COL6A5: variants seen among roughly 807,000 people sequenced by gnomAD.
COL6A5 encodes collagen type VI alpha 5 chain, also known as collagen alpha-5(VI) chain.
COL6A5 carries 48 observed loss-of-function variants against 65.6 expected under a neutral mutation model. That is an observed-to-expected ratio of 0.73 (90% CI 0.58 to 0.93). The LOEUF is 0.93. Among genes scored for constraint, COL6A5 ranks in the 40% least tolerant of loss-of-function variants. The probability of loss-of-function intolerance (pLI) is 0.00; values close to 1 mark genes in which losing one functional copy is unlikely to be tolerated. For synonymous variants in COL6A5, 291 were observed against 322.8 expected (o/e 0.90, Z 1.05); for missense variants, 914 against 928.3 (o/e 0.98, Z 0.20).
intron 1 of COL6A5, among the ~76,000 whole-genome samples, chr3:130,346,516 G>A (rs868590993): frequency 3.3e-4 from 50 of 152,298 alleles, no homozygotes; most frequent in African/African-American, 9.9e-4. Flanking sequence ...CTCTTGGTTT[G>A]TGGGAATTCT....
At chr3:130,347,893 G>A (rs937825258) in intron 1 of COL6A5, among the ~76,000 whole-genome samples, 7 of 152,142 alleles carry the variant, frequency 4.6e-5, no homozygotes, top group Non-Finnish European at 8.8e-5. Flanking sequence ...TGGGCACTGG[G>A]CAAAGTTGGG....
chr3:130,371,648 CCCTA>C (rs1935564793), intron 1 of COL6A5, among the ~76,000 whole-genome samples: 1 of 152,036 alleles, frequency 6.6e-6, no homozygotes, highest in Admixed American at 6.6e-5. Context: ...GAAATTGTAT[CCCTA>C]CCTCACCCCA....
intron 13 of COL6A5, 55 bp downstream of exon 13, chr3:130,403,717 A>C: frequency 8.0e-7 from 1 of 1,245,238 alleles, no homozygotes; most frequent in Non-Finnish European, 1.1e-6. Context: ...GTACACACAC[A>C]CACACACACA....
intron 1 of COL6A5, among the ~76,000 whole-genome samples, chr3:130,357,107 A>G (rs939343342): frequency 6.6e-6 from 1 of 152,212 alleles, no homozygotes; most frequent in Non-Finnish European, 1.5e-5. Context: ...CCAGACAAAA[A>G]GGAAGAATGA....
intron 6 of COL6A5, among the ~76,000 whole-genome samples, chr3:130,390,704 T>C (rs1337381856): frequency 6.6e-6 from 1 of 152,044 alleles, no homozygotes; most frequent in East Asian, 1.9e-4. Context: ...TACCCGAGGG[T>C]CCAAAGATAC....
chr3:130,429,673 G>C, upstream of COL6A5: 1 of 1,097,932 alleles, frequency 9.1e-7, no homozygotes, highest in Non-Finnish European at 1.3e-6. Context: ...CAACTCCGTG[G>C]GAAACAGGAC....
intron 1 of COL6A5, among the ~76,000 whole-genome samples, chr3:130,357,206 A>G (rs895577483): frequency 6.6e-6 from 1 of 152,332 alleles, no homozygotes; most frequent in Admixed American, 6.5e-5. Context: ...CTTTACAATA[A>G]ACAATTTGAA....
chr3:130,429,727 T>A, upstream of COL6A5: 1 of 652,118 alleles, frequency 1.5e-6, no homozygotes, highest in Non-Finnish European at 2.5e-6. Context: ...ATTATGACTG[T>A]AATTGTCAGT....
In COL6A5 at chr3:130,405,981, C is replaced by G. The variant is rs1356725321; in HGVS notation, c.4354-12C>G. 6.4e-7 allele frequency: 1 copy of G among 1,550,976 alleles called. No individual in the cohort carries two copies. Among genetic ancestry groups the G allele is most frequent in the East Asian group, 2.4e-5 (1 of 40,912 alleles). Reference sequence around the variant, plus strand: ...TTTGATTTGTCAGTGAGAGATATTTCATCTTTTGCAGGGACTCAAAGGATT... The same window carrying G: ...TTTGATTTGTCAGTGAGAGATATTTGATCTTTTGCAGGGACTCAAAGGATT... On this transcript the variant is annotated splice_polypyrimidine_tract_variant and intron_variant and NMD_transcript_variant, in intron 14 of 41. Coordinates refer to the COL6A5 transcript ENST00000312481.
exon 3 of COL6A5, chr3:130,376,648 A>C (rs757760527): frequency 3.1e-6 from 5 of 1,613,036 alleles, no homozygotes; most frequent in Non-Finnish European, 4.2e-6. Flanking sequence ...CTGCAGAAAG[A>C]CGGGGTGAAA....
Position 130,348,275 on chromosome 3 carries a change from C to T in COL6A5, c.-29+2294C>T, listed in dbSNP as rs1410935155. 2.6e-5 allele frequency among the ~76,000 whole-genome samples: 4 copies of T among 152,170 alleles called. No individual in the cohort carries two copies. The East Asian group carries it at 7.7e-4, about 29-fold the overall frequency. The stretch of plus-strand genomic sequence containing the variant: ...TGTCCTAATGCTCTCCCTTCCCTTT[C>T]CCCCAACTCCCTGACAGGCCCTGGT... On this transcript the variant is annotated intron_variant and NMD_transcript_variant, in intron 1 of 41. Transcript: ENST00000312481.
At chr3:130,469,749 G>A (rs887496890) in intron 6 of COL6A5, among the ~76,000 whole-genome samples, 4 of 152,018 alleles carry the variant, frequency 2.6e-5, no homozygotes, top group African/African-American at 4.8e-5. Context: ...CTATGTGGCA[G>A]GTTCTTTAAA....
intron 18 of COL6A5, 147 bp from the exon 19 acceptor site, chr3:130,409,862 C>T: frequency 8.9e-6 from 5 of 563,476 alleles, no homozygotes; most frequent in Non-Finnish European, 9.5e-6. Flanking sequence ...TGATTTTTTC[C>T]AAAATCCTGT....
At chr3:130,422,654 GTT>G in intron 27 of COL6A5, 64 bp from the exon 28 acceptor site, 1 of 935,854 alleles carries the variant, frequency 1.1e-6, no homozygotes, top group Admixed American at 2.5e-5. Context: ...AGTCCAGAGA[GTT>G]TTTTTTTTAA....
chr3:130,431,747 G>A (rs1187429158), exon 1 of COL6A5: 2 of 1,551,574 alleles, frequency 1.3e-6, no homozygotes, highest in Admixed American at 2.0e-5. Context: ...CGAGATGTTG[G>A]TAATGCAATG....
At position 130,352,635 on chromosome 3, in the gene COL6A5, C is replaced by T. The variant is rs920879063; in HGVS notation, c.-29+6654C>T. On this transcript the variant is annotated intron_variant and NMD_transcript_variant, in intron 1 of 41. Coordinates refer to the COL6A5 transcript ENST00000312481. ...AAACAGTTGCTCAAGGCCACATACC[C>T]AGTTAGTACAGAGCTACTGTAAACC... Among the ~76,000 whole-genome samples, 9 of 152,118 alleles carry T rather than the reference C, an allele frequency of 5.9e-5. No individual in the cohort carries two copies. In the South Asian group the frequency reaches 8.3e-4, roughly 14 times the overall value.
At chr3:130,467,888 T>C (rs1026477173) in intron 5 of COL6A5, among the ~76,000 whole-genome samples, 5 of 152,014 alleles carry the variant, frequency 3.3e-5, no homozygotes, top group Non-Finnish European at 5.9e-5. Context: ...ACTTCTTTCA[T>C]AGAAGCAAAG....
chr3:130,444,384 G>A (rs1162445535), intron 4 of COL6A5, among the ~76,000 whole-genome samples: 3 of 152,000 alleles, frequency 2.0e-5, no homozygotes, highest in Non-Finnish European at 4.4e-5. Flanking sequence ...AGTGAGAAGT[G>A]TCCATGAAAT....
At chr3:130,401,243 C>T in intron 11 of COL6A5, 70 bp downstream of exon 11, 2 of 1,331,766 alleles carry the variant, frequency 1.5e-6, no homozygotes, top group Non-Finnish European at 2.0e-6. Context: ...TTGATGAGAA[C>T]TTTCAAAGAC....
Sources: allele counts gnomAD v4.1 joint callset (sites outside exome capture counted in the v4.1 genomes callset), GRCh38; gene constraint gnomAD v4.1.1; transcripts MANE v1.5; gene names NCBI Gene and HGNC (gene_info 2026-07-23, HGNC 2026-07-21).